Variants in PDLIM7 observed in about 807,000 individuals in gnomAD.
PDLIM7 encodes the protein PDZ and LIM domain 7.
Under a neutral mutation model 53.9 loss-of-function variants are expected in PDLIM7, and 37 were observed. That is an observed-to-expected ratio of 0.69 (90% confidence interval 0.53 to 0.90). The LOEUF (loss-of-function observed/expected upper bound fraction) is 0.90. PDLIM7 is among the 40% of genes least tolerant of loss of function. The pLI is 0.00. For synonymous variants in PDLIM7, 300 were observed against 261.3 expected (o/e 1.15, Z -1.43); for missense variants, 617 against 638.5 (o/e 0.97, Z 0.36).
At chr5:177,489,899 G>T in intron 7 of PDLIM7, 67 bp from the exon 8 acceptor site, 1 of 1,543,528 alleles carries the variant, frequency 6.5e-7, no homozygotes, top group Non-Finnish European at 8.7e-7. Flanking sequence ...CCCCCAACCT[G>T]GGTCCTGCTG....
chr5:177,488,758 C>T (rs543458404), intron 9 of PDLIM7, among the ~76,000 whole-genome samples: 2 of 152,200 alleles, frequency 1.3e-5, no homozygotes, highest in South Asian at 4.1e-4. Flanking sequence ...GGCATGGTGG[C>T]GGGTGCCTGT....
At chr5:177,491,615 G>A in intron 5 of PDLIM7, 192 bp downstream of exon 5, 1 of 641,882 alleles carries the variant, frequency 1.6e-6, no homozygotes, top group Non-Finnish European at 2.7e-6. Context: ...CCCCTCCCCA[G>A]GGCGGTGCCC....
chr5:177,492,229 G>A (rs981269760), intron 4 of PDLIM7, 176 bp downstream of exon 4: 1 of 750,882 alleles, frequency 1.3e-6, no homozygotes, highest in Non-Finnish European at 2.1e-6. Flanking sequence ...CGTGGTGCCA[G>A]GACCGTGCAG....
At chr5:177,497,047 A>AGGGGAGGGGG (rs1759124909) in intron 1 of PDLIM7, among the ~76,000 whole-genome samples, 1 of 94,980 alleles carries the variant, frequency 1.1e-5, no homozygotes, top group Non-Finnish European at 2.3e-5. Flanking sequence ...GAGGGGAGGG[A>AGGGGAGGGGG]GGCGGCTGCA....
Position 177,483,904 on chromosome 5 carries a change from A to G in PDLIM7, c.1250T>C (p.Leu417Pro), listed in dbSNP as rs1758307287. Residue 417 changes from leucine to proline, a missense_variant, in exon 12 of 13, where the codon CTG becomes CCG. By Grantham distance (98) the Leu-to-Pro change is moderately conservative. Coordinates refer to ENST00000355841, the MANE Select transcript of PDLIM7 (RefSeq NM_005451.5). ...IDAGDRFLEA[L>P]GFSWHDTCFV... The stretch of plus-strand genomic sequence containing the variant: ...GCAGGTGTCATGCCAGCTGAAGCCC[A>G]GGGCCTCCAGGAAGCGGTCCCCAGC... 1.2e-6 allele frequency: 2 copies of G among 1,613,726 alleles called. No homozygotes were observed. Among genetic ancestry groups the G allele is most frequent in the Middle Eastern group, 1.6e-4 (1 of 6,082 alleles).
At chr5:177,488,967 G>A (rs1405387929) in intron 9 of PDLIM7, among the ~76,000 whole-genome samples, 1 of 152,140 alleles carries the variant, frequency 6.6e-6, no homozygotes, top group African/African-American at 2.4e-5. Flanking sequence ...AATCCGGCAC[G>A]CTGATGCTGG....
chr5:177,490,157 C>A, intron 7 of PDLIM7: 1 of 1,466,730 alleles, frequency 6.8e-7, no homozygotes, highest in South Asian at 1.3e-5. Flanking sequence ...AAAACGAGGA[C>A]GGCAGGGCCC....
At chr5:177,495,795 T>C (rs1196656672) in intron 2 of PDLIM7, among the ~76,000 whole-genome samples, 2 of 152,008 alleles carry the variant, frequency 1.3e-5, no homozygotes, top group Non-Finnish European at 2.9e-5. Flanking sequence ...AATGGAGCCC[T>C]GTCCTACACT....
intron 5 of PDLIM7, 32 bp downstream of exon 5, chr5:177,491,775 G>GTA (rs1273251818): frequency 1.2e-5 from 13 of 1,049,426 alleles, no homozygotes; most frequent in Non-Finnish European, 1.6e-5. Flanking sequence ...GGGCCTGATG[G>GTA]CGTGGGCGCG....
intron 4 of PDLIM7, 183 bp downstream of exon 4, chr5:177,492,222 G>A (rs1758834169): frequency 2.8e-6 from 2 of 709,606 alleles, no homozygotes; most frequent in Admixed American, 3.0e-5. Flanking sequence ...GGACATGCGT[G>A]GTGCCAGGAC....
chr5:177,489,901 G>T (rs1205317249), intron 7 of PDLIM7, 69 bp from the exon 8 acceptor site: 2 of 1,543,534 alleles, frequency 1.3e-6, no homozygotes, highest in Non-Finnish European at 1.7e-6. Context: ...CCCAACCTGG[G>T]TCCTGCTGGC....
intron 10 of PDLIM7, among the ~76,000 whole-genome samples, chr5:177,486,232 A>T (rs1046991365): frequency 6.6e-6 from 1 of 151,970 alleles, no homozygotes; most frequent in East Asian, 1.9e-4. Context: ...AAATCTTCTG[A>T]TTTTTTAAAT....
Position 177,496,441 on chromosome 5 carries a change from G to T in PDLIM7, c.72C>A (p.Phe24Leu), listed in dbSNP as rs902948115. 8.7e-6 allele frequency: 14 copies of T among 1,600,908 alleles called. No individual in the cohort carries two copies. Among genetic ancestry groups the T allele is most frequent in the Admixed American group, 1.7e-5 (1 of 58,436 alleles). Residue 24 changes from phenylalanine to leucine, a missense_variant, in exon 2 of 13, where the codon TTC becomes TTA. Phe to Leu is a conservative substitution (Grantham distance 22). Coordinates refer to ENST00000355841, the MANE Select transcript of PDLIM7 (RefSeq NM_005451.5). The stretch of plus-strand genomic sequence containing the variant: ...CCCGGGAAATGGAGAGGGGCACATT[G>T]AAGTCCTTGCCCCCTTGCAGCCGGA... ...WGFRLQGGKD[F>L]NVPLSISRLT...
chr5:177,486,882 C>T (rs1019096191), intron 10 of PDLIM7, among the ~76,000 whole-genome samples: 4 of 147,832 alleles, frequency 2.7e-5, no homozygotes, highest in Admixed American at 1.4e-4. Flanking sequence ...CCGCCCATCT[C>T]GGCCTCCCAA....
At chr5:177,497,397 C>A (rs1157814709) in intron 1 of PDLIM7, 131 bp downstream of exon 1, 2 of 152,148 alleles carry the variant, frequency 1.3e-5, no homozygotes, top group African/African-American at 4.8e-5. Context: ...GGGGCGGGGG[C>A]GGAGGCAGGG....
chr5:177,492,194 A>G (rs1758832584), intron 4 of PDLIM7: 6 of 646,480 alleles, frequency 9.3e-6, no homozygotes, highest in Non-Finnish European at 1.6e-5. Context: ...AGGCGGACAG[A>G]CAGGCGGACA....
chr5:177,496,506 A>T lies in PDLIM7; in HGVS notation c.7T>A (p.Ser3Thr), dbSNP rs1238673307. Residue 3 changes from serine (S) to threonine (T), a missense_variant, in exon 2 of 13, where the codon TCC (serine) becomes ACC (threonine). Physicochemically the swap from Ser to Thr is moderately conservative, Grantham distance 58. Transcript: ENST00000355841. MD[S>T]FKVVLEGPAP... ...GGCCCCTCCAGCACTACTTTGAAGG[A>T]ATCCATGATGCCGGCTCCTGAGAGG... 6.3e-7 allele frequency: 1 copy of T among 1,591,262 alleles called. No individual in the cohort carries two copies. Among genetic ancestry groups the T allele is most frequent in the African/African-American group, 1.4e-5 (1 of 73,732 alleles).
Position 177,484,173 on chromosome 5 carries a change from C to T in PDLIM7, c.1068G>A (p.Leu356=). 1 of 1,613,692 alleles carries T rather than the reference C, an allele frequency of 6.2e-7. No individual in the cohort carries two copies. Among genetic ancestry groups the T allele is most frequent in the South Asian group, 1.1e-5 (1 of 91,084 alleles). ...AGCAGTGCACGTGCCAGGTCATCTT[C>T]AGGGCGTGCATGATCTCCTGGAAGG... ...KKITGEIMHA[L]KMTWHVHCFT... is the part of the protein sequence containing the mutation. The change falls in exon 11 of 13, where the codon CTG becomes CTA. Residue 356 remains leucine (L), a synonymous_variant. Coordinates refer to ENST00000355841, the MANE Select transcript of PDLIM7 (RefSeq NM_005451.5).
Position 177,483,565 on chromosome 5 carries a change from G to A in PDLIM7, c.*79C>T. 3 of 1,104,516 alleles carry A rather than the reference G, an allele frequency of 2.7e-6. No homozygotes were observed. The highest frequency in any genetic ancestry group is 1.4e-5 in the South Asian group (1 of 71,014). 68.4% of individuals were successfully genotyped at this position (1,104,516 alleles called of 1,614,324 possible). A position where few individuals can be genotyped will look rare whatever the true frequency, so the allele number is the denominator to read the frequency against. ...GCCAGGGTTAAGGCAACCATTGCCA[G>A]CCCTACCCAGAAATGCAGGGCCACG... On this transcript the variant is annotated 3_prime_UTR_variant, in exon 13 of 13. Transcript: ENST00000355841.
Sources: allele counts gnomAD v4.1 joint callset (sites outside exome capture counted in the v4.1 genomes callset), GRCh38; gene constraint gnomAD v4.1.1; transcripts MANE v1.5; gene names NCBI Gene and HGNC (gene_info 2026-07-23, HGNC 2026-07-21).